The following OSTN variants were observed in gnomAD, a reference collection of about 807,000 sequenced individuals.
The protein encoded by OSTN is osteocrin.
OSTN carries 9 observed loss-of-function variants against 12.0 expected under a neutral mutation model. The ratio of observed to expected loss-of-function variants is 0.75; its 90% CI spans 0.45 to 1.30. The LOEUF is 1.30. Ranked by LOEUF, OSTN falls within the 50% of genes most tolerant of loss-of-function variation. The pLI is 0.00. For missense variants in OSTN, 148 were observed against 152.3 expected (o/e 0.97, Z 0.15); for synonymous variants, 59 against 56.9 (o/e 1.04, Z -0.16).
At chr3:191,207,298 G>A (rs1052005224) in intron 1 of OSTN, among the ~76,000 whole-genome samples, 3 of 151,988 alleles carry the variant, frequency 2.0e-5, no homozygotes, top group Non-Finnish European at 4.4e-5. Context: ...GTACCTTTGT[G>A]AATTTCTAAT....
intron 3 of OSTN, among the ~76,000 whole-genome samples, chr3:191,228,128 T>G (rs958958321): frequency 1.3e-5 from 2 of 152,202 alleles, no homozygotes; most frequent in African/African-American, 4.8e-5. Flanking sequence ...ATGCTCAGAT[T>G]GTCATACTTT....
chr3:191,260,072 G>A (rs535054440), intron 4 of OSTN, among the ~76,000 whole-genome samples: 62 of 151,656 alleles, frequency 4.1e-4, no homozygotes, highest in African/African-American at 1.4e-3. Context: ...GGATGGTCTC[G>A]ATCTCTTGAC....
At chr3:191,224,378 GAA>G (rs77662219) in intron 3 of OSTN, among the ~76,000 whole-genome samples, 7 of 67,954 alleles carry the variant, frequency 1.0e-4, no homozygotes, top group African/African-American at 1.7e-4. Flanking sequence ...CTCCATCTCA[GAA>G]AAAAAAAAAA....
intron 3 of OSTN, among the ~76,000 whole-genome samples, chr3:191,219,254 C>T (rs1299753920): frequency 6.6e-6 from 1 of 152,146 alleles, no homozygotes; most frequent in Non-Finnish European, 1.5e-5. Context: ...TGGGAGGTGG[C>T]GCAAAATGTA....
chr3:191,203,991 G>A (rs1301910614), intron 1 of OSTN, among the ~76,000 whole-genome samples: 5 of 152,230 alleles, frequency 3.3e-5, no homozygotes, highest in East Asian at 1.9e-4. Context: ...GGGTTCAAGC[G>A]ATTCTCCTGC....
rs539887627 is a variant in OSTN at position 191,261,982 on chromosome 3, C to T, written c.*13-884C>T. Among the ~76,000 whole-genome samples the T allele has an allele frequency of 6.6e-5, 10 of 152,216 alleles. No individual in the cohort carries two copies. The South Asian group carries it at 1.9e-3, about 28-fold the overall frequency. On this transcript the variant is annotated intron_variant, in intron 4 of 4. Coordinates refer to ENST00000682035, the MANE Select transcript of OSTN (RefSeq NM_198184.2). ...CTGTAATCCCAGCACTTTGGGAGAC[C>T]GAGGCGGGTGGATCACCTGAGGTCA...
chr3:191,239,870 C>T (rs545907105), intron 3 of OSTN, among the ~76,000 whole-genome samples: 1 of 152,116 alleles, frequency 6.6e-6, no homozygotes, highest in South Asian at 2.1e-4. Flanking sequence ...AGTAGTTGAG[C>T]CTGTTCAGGT....
At chr3:191,226,468 T>TGTG (rs1444589113) in intron 3 of OSTN, among the ~76,000 whole-genome samples, 2 of 152,192 alleles carry the variant, frequency 1.3e-5, no homozygotes, top group Admixed American at 6.5e-5. Flanking sequence ...AGGCACATAC[T>TGTG]GTGTTCTTAA....
chr3:191,225,352 C>T (rs1263559570), intron 3 of OSTN, among the ~76,000 whole-genome samples: 1 of 152,012 alleles, frequency 6.6e-6, no homozygotes, highest in East Asian at 1.9e-4. Flanking sequence ...ACAGAAGTAC[C>T]AGATTCAGAT....
chr3:191,228,910 T>C (rs1714979956), intron 3 of OSTN: 1 of 152,224 alleles, frequency 6.6e-6, no homozygotes, highest in South Asian at 2.1e-4. Context: ...ATGATGGATC[T>C]AGACAATTGT....
intron 3 of OSTN, among the ~76,000 whole-genome samples, chr3:191,225,503 A>G (rs983008339): frequency 6.6e-6 from 1 of 152,130 alleles, no homozygotes; most frequent in African/African-American, 2.4e-5. Context: ...CAAATCACCA[A>G]AAACTACATT....
intron 3 of OSTN, among the ~76,000 whole-genome samples, chr3:191,245,610 A>G (rs541026135): frequency 6.6e-6 from 1 of 152,320 alleles, no homozygotes; most frequent in East Asian, 1.9e-4. Context: ...TTTGCTTTCC[A>G]CTATACCGCA....
At chr3:191,209,271 A>T (rs1336752604) in intron 1 of OSTN, among the ~76,000 whole-genome samples, 1 of 152,250 alleles carries the variant, frequency 6.6e-6, no homozygotes, top group Non-Finnish European at 1.5e-5. Context: ...CAGCAAAATC[A>T]GGAGAAAAAG....
At chr3:191,204,197 T>C (rs1217499670) in intron 1 of OSTN, among the ~76,000 whole-genome samples, 1 of 152,100 alleles carries the variant, frequency 6.6e-6, no homozygotes, top group South Asian at 2.1e-4. Flanking sequence ...GCTGATATTT[T>C]AATTTTTTTT....
At chr3:191,207,896 G>T (rs1189660106) in intron 1 of OSTN, among the ~76,000 whole-genome samples, 1 of 152,080 alleles carries the variant, frequency 6.6e-6, no homozygotes. Flanking sequence ...TCCTTTCAGG[G>T]TATAGTCAAT....
Position 191,250,017 on chromosome 3 carries a change from T to G in OSTN, c.318-20T>G, listed in dbSNP as rs370192913. ...TAACTTGCCCTTTAGTTTAAAAATGTCCTCCTTGGTTTGTTTCAGGAAAGT... is the reference window on the plus strand; with the variant it reads ...TAACTTGCCCTTTAGTTTAAAAATGGCCTCCTTGGTTTGTTTCAGGAAAGT... On this transcript the variant is annotated intron_variant, in intron 3 of 4. Coordinates refer to ENST00000682035, the MANE Select transcript of OSTN (RefSeq NM_198184.2). 5.1e-6 allele frequency: 8 copies of G among 1,578,420 alleles called. No homozygotes were observed. The highest frequency in any genetic ancestry group is 6.1e-6 in the Non-Finnish European group (7 of 1,148,038).
Position 191,262,878 on chromosome 3 carries a change from T to A in OSTN, c.*25T>A. ...TTCGTTTTTGCAGATGCAACTTCCT[T>A]GGGTGAAATGTCACAGCAATATGGA... On this transcript the variant is annotated 3_prime_UTR_variant, in exon 5 of 5. Coordinates refer to ENST00000682035, the MANE Select transcript of OSTN (RefSeq NM_198184.2). 1.4e-6 allele frequency: 1 copy of A among 702,306 alleles called. No individual in the cohort carries two copies. Among genetic ancestry groups the A allele is most frequent in the Non-Finnish European group, 2.6e-6 (1 of 384,552 alleles). The allele number at this position is 702,306 out of a possible 1,614,324, so 43.5% of individuals were successfully genotyped here.
chr3:191,222,736 G>A (rs1294177028), intron 3 of OSTN, among the ~76,000 whole-genome samples: 1 of 152,102 alleles, frequency 6.6e-6, no homozygotes, highest in Non-Finnish European at 1.5e-5. Context: ...CCATCCAAAT[G>A]TTGTCTTGAA....
intron 4 of OSTN, among the ~76,000 whole-genome samples, chr3:191,250,381 A>ATT (rs1715533796): frequency 2.0e-5 from 3 of 152,194 alleles, no homozygotes; most frequent in Non-Finnish European, 4.4e-5. Context: ...AGTTGTTTTC[A>ATT]GACTTCTATG....
Sources: allele counts gnomAD v4.1 joint callset (sites outside exome capture counted in the v4.1 genomes callset), GRCh38; gene constraint gnomAD v4.1.1; transcripts MANE v1.5; gene names NCBI Gene and HGNC (gene_info 2026-07-23, HGNC 2026-07-21).